MEF2A: variants seen among roughly 807,000 people sequenced by gnomAD.
The protein encoded by MEF2A is myocyte enhancer factor 2A.
A neutral mutation model predicts 55.8 loss-of-function variants in MEF2A; 28 were observed. The observed-to-expected ratio is 0.50, with a 90% confidence interval of 0.37 to 0.69. MEF2A has a LOEUF of 0.69. MEF2A is among the 30% of genes least tolerant of loss of function. The pLI is 0.00. For missense variants in MEF2A, 528 were observed against 626.2 expected, an observed-to-expected ratio of 0.84 and a Z score of 1.67; for synonymous variants, 239 against 227.1, an observed-to-expected ratio of 1.05 and a Z score of -0.47.
intron 8 of MEF2A, among the ~76,000 whole-genome samples, chr15:99,697,348 TTAC>T (rs1405599490): frequency 6.6e-6 from 1 of 151,526 alleles, no homozygotes; most frequent in Non-Finnish European, 1.5e-5. Flanking sequence ...TGTAAAGAAA[TTAC>T]AAAAAAAACT....
At chr15:99,606,027 T>A (rs369110953) in intron 2 of MEF2A, among the ~76,000 whole-genome samples, 20 of 152,186 alleles carry the variant, frequency 1.3e-4, no homozygotes, top group African/African-American at 2.4e-5. Flanking sequence ...TAAAAACTTA[T>A]ATAAATCTAC....
intron 4 of MEF2A, among the ~76,000 whole-genome samples, chr15:99,662,922 T>A (rs1458365719): frequency 1.3e-5 from 2 of 152,224 alleles, no homozygotes; most frequent in Non-Finnish European, 2.9e-5. Context: ...TTTTTGTGGG[T>A]TTATTTAATT....
intron 4 of MEF2A, among the ~76,000 whole-genome samples, chr15:99,648,205 T>G (rs2046292239): frequency 1.3e-5 from 2 of 152,308 alleles, no homozygotes; most frequent in South Asian, 4.1e-4. Context: ...TTTCACAGTT[T>G]CCTTTCAGGC....
In MEF2A at chr15:99,581,026, A is replaced by AT. The variant is rs754038453; in HGVS notation, c.-225+14929dup. Among the ~76,000 whole-genome samples the AT allele has an allele frequency of 2.4e-4, 37 of 151,906 alleles. No individual in the cohort carries two copies. In the East Asian group the frequency reaches 6.2e-3, roughly 25 times the overall value. ...TAGTTCTCTTTTATGCCTTTTATCT[A>AT]TTTTTTTAACATGAGAGATTTAACA... On this transcript the variant is annotated intron_variant, in intron 1 of 11. Coordinates refer to ENST00000557942, the MANE Select transcript of MEF2A (RefSeq NM_001319206.4).
intron 1 of MEF2A, among the ~76,000 whole-genome samples, chr15:99,583,832 T>C (rs1216964542): frequency 6.6e-6 from 1 of 152,068 alleles, no homozygotes; most frequent in Non-Finnish European, 1.5e-5. Context: ...GAAAATACAA[T>C]AGGTACAGTC....
chr15:99,697,363 C>G (rs1668850277), intron 8 of MEF2A, among the ~76,000 whole-genome samples: 2 of 151,820 alleles, frequency 1.3e-5, no homozygotes, highest in African/African-American at 4.8e-5. Flanking sequence ...AAAAAAACTC[C>G]TCGGACCAAT....
chr15:99,706,910 A>G (rs763796128), intron 10 of MEF2A, 55 bp downstream of exon 10: 14 of 1,559,466 alleles, frequency 9.0e-6, no homozygotes, highest in Admixed American at 1.9e-5. Flanking sequence ...TTTGTGATCA[A>G]CGTGTGCTTC....
intron 1 of MEF2A, among the ~76,000 whole-genome samples, chr15:99,569,081 A>G (rs902403188): frequency 6.6e-6 from 1 of 152,208 alleles, no homozygotes; most frequent in African/African-American, 2.4e-5. Flanking sequence ...CTTTTAACAT[A>G]TGCTGATTTG....
rs200262059 is a variant in MEF2A, at chr15:99,683,580, A to AT, written c.671-6652dup. On this transcript the variant is annotated intron_variant, in intron 7 of 11. Transcript: ENST00000557942. ...CACCACCATGCCCTGCTAATTTAGC[A>AT]TTTTTTTTTAGTGGGGTTTCGCCAT... Among the ~76,000 whole-genome samples the AT allele has an allele frequency of 8.8e-3, 1,322 of 149,476 alleles. 42 individuals carry two copies. The highest frequency in any genetic ancestry group is 0.061 in the Admixed American group (911 of 15,012).
chr15:99,710,956 G>A (rs1266637283), intron 11 of MEF2A, among the ~76,000 whole-genome samples, 196 bp downstream of exon 11: 1 of 152,192 alleles, frequency 6.6e-6, no homozygotes, highest in African/African-American at 2.4e-5. Flanking sequence ...GACAAACTAG[G>A]CATTCCTTGA....
intron 2 of MEF2A, among the ~76,000 whole-genome samples, chr15:99,605,334 A>G (rs1351419461): frequency 6.6e-6 from 1 of 152,204 alleles, no homozygotes; most frequent in Non-Finnish European, 1.5e-5. Context: ...AATGATTACC[A>G]ACTTTAATTC....
intron 1 of MEF2A, among the ~76,000 whole-genome samples, chr15:99,595,839 C>T (rs1285830167): frequency 6.6e-6 from 1 of 152,116 alleles, no homozygotes; most frequent in South Asian, 2.1e-4. Flanking sequence ...AGTTAAAGAG[C>T]TTAACAGTCT....
At chr15:99,699,669 CTT>C (rs2057069316) in intron 8 of MEF2A, among the ~76,000 whole-genome samples, 2 of 152,134 alleles carry the variant, frequency 1.3e-5, no homozygotes, top group African/African-American at 2.4e-5. Context: ...GTCTAAGTAA[CTT>C]TGGAAACTTT....
intron 2 of MEF2A, among the ~76,000 whole-genome samples, chr15:99,614,767 G>A (rs1023775624): frequency 1.3e-5 from 2 of 152,134 alleles, no homozygotes; most frequent in African/African-American, 4.8e-5. Context: ...AAGGGCTTGG[G>A]ATAAGAGCTA....
Position 99,671,444 on chromosome 15 carries a change from A to C in MEF2A, c.380A>C (p.Lys127Thr). 6.2e-7 allele frequency: 1 copy of C among 1,613,956 alleles called. No homozygotes were observed. The highest frequency in any genetic ancestry group is 8.5e-7 in the Non-Finnish European group (1 of 1,179,832). ...KLNEDSDFIFKRGPPGLPPQN... is the reference protein window; with the variant it reads ...KLNEDSDFIFTRGPPGLPPQN... ...AATGAAGATAGTGATTTTATTTTCAAACGAGGCCCTGTAAGTACTTTTACT... is the reference window on the plus strand; with the variant it reads ...AATGAAGATAGTGATTTTATTTTCACACGAGGCCCTGTAAGTACTTTTACT... The change falls in exon 5 of 12, where the codon AAA (lysine) becomes ACA (threonine). Residue 127 changes from lysine to threonine, a missense_variant. Physicochemically the swap from Lys to Thr is moderately conservative, Grantham distance 78 (BLOSUM62 -1). This residue lies in a region of MEF2A where 450 missense variants were observed against 475.3 expected (regional missense o/e 0.95). Transcript: ENST00000557942.
rs571338927 is a variant in MEF2A, at chr15:99,712,251, G to A, written c.1137-139G>A. On this transcript the variant is annotated intron_variant, in intron 11 of 11. Coordinates refer to ENST00000557942, the MANE Select transcript of MEF2A (RefSeq NM_001319206.4). The surrounding 1 kb of genome is among the most constrained non-coding windows in gnomAD (Gnocchi z 4.1). ...TTTTGTGCCAAGCACTGAAGGAAAC[G>A]ACCCAAACCAGTCTTGGGGAACTCT... The A allele has an allele frequency of 5.5e-5, 76 of 1,392,332 alleles. No homozygotes were observed. The Middle Eastern group carries it at 1.1e-3, about 20-fold the overall frequency. The allele number at this position is 1,392,332 out of a possible 1,614,324, so 86.2% of individuals were successfully genotyped here. A position where few individuals can be genotyped will look rare whatever the true frequency, so the allele number is the denominator to read the frequency against.
chr15:99,638,369 G>T (rs1233506053), intron 3 of MEF2A, among the ~76,000 whole-genome samples: 2 of 152,108 alleles, frequency 1.3e-5, no homozygotes, highest in African/African-American at 4.8e-5. Flanking sequence ...CAAGGGGCAT[G>T]TGTCTTCAGA....
chr15:99,700,056 C>T (rs917253372), intron 8 of MEF2A, among the ~76,000 whole-genome samples: 8 of 143,670 alleles, frequency 5.6e-5, no homozygotes, highest in East Asian at 2.2e-4. Context: ...GACGGGGTTT[C>T]GCCATGTTGG....
chr15:99,639,597 G>A (rs898085237), intron 3 of MEF2A, among the ~76,000 whole-genome samples: 2 of 152,130 alleles, frequency 1.3e-5, no homozygotes, highest in African/African-American at 4.8e-5. Context: ...GTTTCAGAAG[G>A]AATTGCTAGG....
Sources: allele counts gnomAD v4.1 joint callset (sites outside exome capture counted in the v4.1 genomes callset), GRCh38; gene constraint gnomAD v4.1.1; regional missense constraint gnomAD v4.1.1; non-coding constraint Gnocchi (gnomAD v3.1); transcripts MANE v1.5; gene names NCBI Gene and HGNC (gene_info 2026-07-23, HGNC 2026-07-21).